NALF1: variants seen among roughly 807,000 people sequenced by gnomAD.
NALF1 encodes family with sequence similarity 155 member A.
In NALF1, 3 loss-of-function variants were observed where a neutral mutation model predicts 48.4. The observed-to-expected ratio is 0.06, with a 90% CI of 0.03 to 0.16. The LOEUF (loss-of-function observed/expected upper bound fraction) is 0.16. Among genes scored for constraint, NALF1 ranks in the 10% least tolerant of loss-of-function variants. NALF1 has a pLI of 1.00. For synonymous variants in NALF1, 262 were observed against 245.7 expected, an observed-to-expected ratio of 1.07 and a Z score of -0.62; for missense variants, 526 against 571.5, an observed-to-expected ratio of 0.92 and a Z score of 0.81.
At chr13:107,809,032 A>T (rs1315763638) in intron 1 of NALF1, among the ~76,000 whole-genome samples, 1 of 152,128 alleles carries the variant, frequency 6.6e-6, no homozygotes, top group Non-Finnish European at 1.5e-5. Flanking sequence ...ACCTATGACT[A>T]AAGAAGAAAC....
At chr13:107,856,454 T>C (rs1291823728) in intron 1 of NALF1, among the ~76,000 whole-genome samples, 1 of 152,186 alleles carries the variant, frequency 6.6e-6, no homozygotes, top group Non-Finnish European at 1.5e-5. Context: ...ATTCTCGATA[T>C]TAGCAAGAGC....
chr13:107,190,034 T>C (rs1404495671), intron 2 of NALF1, among the ~76,000 whole-genome samples: 1 of 152,208 alleles, frequency 6.6e-6, no homozygotes, highest in Non-Finnish European at 1.5e-5. Flanking sequence ...CTTATATTTA[T>C]TTTTGTTATT....
chr13:107,199,487 A>T (rs1166784514), intron 2 of NALF1, among the ~76,000 whole-genome samples: 1 of 152,154 alleles, frequency 6.6e-6, no homozygotes, highest in Non-Finnish European at 1.5e-5. Context: ...TAACCAAGTT[A>T]TTTCCATATA....
intron 2 of NALF1, among the ~76,000 whole-genome samples, chr13:107,188,968 CA>C (rs1359396421): frequency 6.6e-6 from 1 of 152,146 alleles, no homozygotes; most frequent in East Asian, 1.9e-4. Context: ...CCTGATTATG[CA>C]AAAGCCATTC....
At chr13:107,623,577 G>T (rs946319959) in intron 1 of NALF1, among the ~76,000 whole-genome samples, 1 of 152,146 alleles carries the variant, frequency 6.6e-6, no homozygotes, top group Non-Finnish European at 1.5e-5. Context: ...TGTGCCACAG[G>T]CACTATTGTT....
chr13:107,528,302 A>C (rs1172268377), intron 1 of NALF1, among the ~76,000 whole-genome samples: 1 of 152,168 alleles, frequency 6.6e-6, no homozygotes, highest in Non-Finnish European at 1.5e-5. Context: ...GTTATGTCAT[A>C]ATAAGTAAGT....
At chr13:107,251,058 T>C (rs1259539241) in intron 1 of NALF1, among the ~76,000 whole-genome samples, 3 of 152,236 alleles carry the variant, frequency 2.0e-5, no homozygotes, top group Admixed American at 6.5e-5. Flanking sequence ...TAGTTCTTTA[T>C]AGCAGTGTGA....
At chr13:107,649,680 C>T (rs1452025682) in intron 1 of NALF1, among the ~76,000 whole-genome samples, 1 of 151,982 alleles carries the variant, frequency 6.6e-6, no homozygotes, top group Non-Finnish European at 1.5e-5. Flanking sequence ...AACAGTGTAT[C>T]CTGGAAAATT....
intron 1 of NALF1, among the ~76,000 whole-genome samples, chr13:107,467,919 G>A (rs1885032682): frequency 6.6e-6 from 1 of 152,038 alleles, no homozygotes; most frequent in South Asian, 2.1e-4. Flanking sequence ...GTGGTGGCGG[G>A]CGCCTGTAGT....
At position 107,780,095 on chromosome 13, in the gene NALF1, G is replaced by A. The variant is rs111556681; in HGVS notation, c.915+85587C>T. Among the ~76,000 whole-genome samples the A allele has an allele frequency of 1.8e-4, 26 of 145,098 alleles. 1 individual carries two copies. The highest frequency in any genetic ancestry group is 5.9e-4 in the African/African-American group (23 of 39,078). On this transcript the variant is annotated intron_variant, in intron 1 of 2. Transcript: ENST00000375915. ...ACTGCGGTTTTGTTGTTGTGGTTGT[G>A]TTGTTGTTATTGCAGAAACATTTGT...
At chr13:107,828,197 A>T (rs1879577485) in intron 1 of NALF1, among the ~76,000 whole-genome samples, 1 of 152,134 alleles carries the variant, frequency 6.6e-6, no homozygotes, top group Non-Finnish European at 1.5e-5. Flanking sequence ...TTTGAAAAAA[A>T]ATTTTACGAG....
chr13:107,269,847 A>G (rs1396275673), intron 1 of NALF1, among the ~76,000 whole-genome samples: 1 of 148,492 alleles, frequency 6.7e-6, no homozygotes, highest in African/African-American at 2.5e-5. Flanking sequence ...TCCCGGGTTC[A>G]CGCCATTCTC....
chr13:107,754,353 GAACACA>G (rs1403856437), intron 1 of NALF1, among the ~76,000 whole-genome samples: 1 of 85,034 alleles, frequency 1.2e-5, no homozygotes, highest in African/African-American at 4.9e-5. Context: ...TGTACATTGT[GAACACA>G]CACACACACA....
chr13:107,288,941 A>T (rs190889570), intron 1 of NALF1, among the ~76,000 whole-genome samples: 9 of 152,302 alleles, frequency 5.9e-5, no homozygotes, highest in Non-Finnish European at 1.0e-4. Flanking sequence ...TTTTGAAGTT[A>T]AAATAGTAAG....
At chr13:107,332,703 C>T (rs1882490770) in intron 1 of NALF1, among the ~76,000 whole-genome samples, 1 of 152,170 alleles carries the variant, frequency 6.6e-6, no homozygotes, top group African/African-American at 2.4e-5. Flanking sequence ...GGTAGTTATG[C>T]TTTAAAAAGT....
chr13:107,337,308 T>A (rs1882579668), intron 1 of NALF1, among the ~76,000 whole-genome samples: 1 of 152,204 alleles, frequency 6.6e-6, no homozygotes, highest in African/African-American at 2.4e-5. Context: ...GAGGATAAAA[T>A]TTACTGTGTA....
In NALF1 at chr13:107,170,481, G is replaced by T; in HGVS notation, c.*16C>A. 1.3e-6 allele frequency: 2 copies of T among 1,572,996 alleles called. No individual in the cohort carries two copies. Among genetic ancestry groups the T allele is most frequent in the South Asian group, 2.3e-5 (2 of 88,436 alleles). The stretch of plus-strand genomic sequence containing the variant: ...ACGGCGGGCCAGCTGCTGCTGTGGT[G>T]ACACTCGTCCTTCCGTTACTCCTCA... On this transcript the variant is annotated 3_prime_UTR_variant, in exon 3 of 3. Transcript: ENST00000375915.
At chr13:107,363,105 T>C (rs556480979) in intron 1 of NALF1, among the ~76,000 whole-genome samples, 1 of 152,316 alleles carries the variant, frequency 6.6e-6, no homozygotes, top group Admixed American at 6.5e-5. Context: ...AATCCTTAAG[T>C]CAAGAATTTT....
rs182935496 is a variant in NALF1 at position 107,757,393 on chromosome 13, T to A, written c.915+108289A>T. ...CATTATGGAGAGCTTCACATTCCAG[T>A]TAACAACACTGGCCCTCATTTCTTT... is the stretch of plus-strand genomic sequence containing the variant. On this transcript the variant is annotated intron_variant, in intron 1 of 2. Coordinates refer to ENST00000375915, the MANE Select transcript of NALF1 (RefSeq NM_001080396.3). 3.3e-5 allele frequency among the ~76,000 whole-genome samples: 5 copies of A among 149,860 alleles called. No individual in the cohort carries two copies. In the East Asian group the frequency reaches 9.9e-4, roughly 30 times the overall value.
Sources: allele counts gnomAD v4.1 joint callset (sites outside exome capture counted in the v4.1 genomes callset), GRCh38; gene constraint gnomAD v4.1.1; transcripts MANE v1.5; gene names NCBI Gene and HGNC (gene_info 2026-07-23, HGNC 2026-07-21).